XRCC5: variants seen among roughly 807,000 people sequenced by gnomAD.
The protein encoded by XRCC5 is X-ray repair cross complementing 5.
XRCC5 carries 12 observed loss-of-function variants against 95.7 expected under a neutral mutation model. The ratio of observed to expected loss-of-function variants is 0.13; its 90% CI spans 0.08 to 0.20. The LOEUF is 0.20. Among genes scored for constraint, XRCC5 ranks in the 10% least tolerant of loss-of-function variants. The probability of loss-of-function intolerance (pLI) is 1.00; values close to 1 mark genes in which losing one functional copy is unlikely to be tolerated. For synonymous variants in XRCC5, 281 were observed against 290.3 expected (o/e 0.97, Z 0.33); for missense variants, 595 against 873.9 (o/e 0.68, Z 4.02).
intron 16 of XRCC5, among the ~76,000 whole-genome samples, chr2:216,169,797 G>GCA (rs1689121541): frequency 6.6e-6 from 1 of 151,404 alleles, no homozygotes; most frequent in Admixed American, 6.6e-5. Flanking sequence ...TATAATCCCA[G>GCA]CACTTTGGGA....
intron 1 of XRCC5, 94 bp from the exon 2 acceptor site, chr2:216,112,922 G>T: frequency 1.1e-6 from 1 of 929,192 alleles, no homozygotes; most frequent in Non-Finnish European, 1.7e-6. Flanking sequence ...CCTAAATACT[G>T]ATACAGGTTC....
In XRCC5 at chr2:216,135,345, T is replaced by C. The variant is rs530575182; in HGVS notation, c.1114-1743T>C. Among the ~76,000 whole-genome samples, 4 of 150,302 alleles carry C rather than the reference T, an allele frequency of 2.7e-5. No individual in the cohort carries two copies. The South Asian group carries it at 8.4e-4, about 31-fold the overall frequency. ...AAGGGGCATTCTAGCTAGGAGGTAA[T>C]GGTATGAGCAAAGGCCAAGTATGAG... On this transcript the variant is annotated intron_variant, in intron 10 of 20. Transcript: ENST00000392132.
intron 13 of XRCC5, among the ~76,000 whole-genome samples, chr2:216,141,540 C>CTTTTCTT (rs1697169556): frequency 1.7e-4 from 11 of 65,006 alleles, no homozygotes; most frequent in African/African-American, 8.1e-4. Context: ...TCTTTCTTTT[C>CTTTTCTT]TTTTTTTTTT....
At chr2:216,128,117 T>C (rs1696924929) in intron 8 of XRCC5, 1 of 152,906 alleles carries the variant, frequency 6.5e-6, no homozygotes, top group South Asian at 2.1e-4. Context: ...ATTTATTATA[T>C]TGCTTCATAT....
intron 5 of XRCC5, among the ~76,000 whole-genome samples, 158 bp from the exon 6 acceptor site, chr2:216,121,904 C>T (rs1274023947): frequency 6.6e-6 from 1 of 152,196 alleles, no homozygotes; most frequent in African/African-American, 2.4e-5. Context: ...GTTTCAGTCA[C>T]TTGAAACTGG....
chr2:216,120,548 A>G (rs1331010631), intron 5 of XRCC5, among the ~76,000 whole-genome samples: 1 of 152,200 alleles, frequency 6.6e-6, no homozygotes, highest in African/African-American at 2.4e-5. Context: ...CCAGCAGCTC[A>G]GAGAAGCCCT....
chr2:216,162,940 T>A (rs1293877125), intron 16 of XRCC5, among the ~76,000 whole-genome samples: 3 of 152,128 alleles, frequency 2.0e-5, no homozygotes, highest in Non-Finnish European at 2.9e-5. Context: ...TGCATTCAGG[T>A]TTCTGTTCAT....
chr2:216,136,932 A>G (rs1265669488), intron 10 of XRCC5, among the ~76,000 whole-genome samples, 156 bp from the exon 11 acceptor site: 1 of 152,234 alleles, frequency 6.6e-6, no homozygotes, highest in Non-Finnish European at 1.5e-5. Context: ...AGTAAATGTA[A>G]TCAAAAGCAA....
chr2:216,190,531 T>C (rs921221529), intron 17 of XRCC5, among the ~76,000 whole-genome samples, 197 bp downstream of exon 17: 7 of 152,158 alleles, frequency 4.6e-5, no homozygotes, highest in African/African-American at 1.4e-4. Flanking sequence ...GGGATAAAGA[T>C]GAGTAGGTAG....
rs372225750 is a variant in XRCC5, at chr2:216,122,261, T to C, written c.683+8T>C. ...TGAAATTTATTCATTCAGGTAAGAA[T>C]TGAAAACATTGATGGGAATTTTTAA... On this transcript the variant is annotated splice_region_variant and intron_variant, in intron 6 of 20. Transcript: ENST00000392132. The C allele has an allele frequency of 2.1e-5, 34 of 1,592,492 alleles. No homozygotes were observed. The African/African-American group carries it at 3.1e-4, about 14-fold the overall frequency.
At chr2:216,196,997 A>G (rs9288518) in intron 19 of XRCC5, among the ~76,000 whole-genome samples, 54,942 of 152,052 alleles carry the variant, frequency 0.36, 10,946 homozygotes, top group East Asian at 0.72. Context: ...AGTACATACT[A>G]GAGTTTTTGG....
chr2:216,153,146 A>G (rs979631935), intron 14 of XRCC5, among the ~76,000 whole-genome samples: 9 of 152,096 alleles, frequency 5.9e-5, no homozygotes, highest in Non-Finnish European at 1.3e-4. Context: ...TGCCCCCACC[A>G]CATCCTTGAA....
At chr2:216,140,136 C>CCAT (rs1697149721) in intron 12 of XRCC5, among the ~76,000 whole-genome samples, 1 of 152,120 alleles carries the variant, frequency 6.6e-6, no homozygotes, top group Non-Finnish European at 1.5e-5. Context: ...GTTGGCTGTG[C>CCAT]CATTGCCTGA....
intron 16 of XRCC5, among the ~76,000 whole-genome samples, chr2:216,185,128 T>G (rs1011372113): frequency 1.3e-5 from 2 of 152,164 alleles, no homozygotes; most frequent in African/African-American, 4.8e-5. Context: ...TACCCTTTTC[T>G]TTTTCCTGAG....
chr2:216,112,936 A>G, intron 1 of XRCC5, 80 bp from the exon 2 acceptor site: 1 of 1,075,692 alleles, frequency 9.3e-7, no homozygotes, highest in Non-Finnish European at 1.4e-6. Context: ...CAGGTTCATG[A>G]ATACAATAAG....
intron 2 of XRCC5, among the ~76,000 whole-genome samples, chr2:216,114,263 A>G (rs1696643601): frequency 6.6e-6 from 1 of 151,850 alleles, no homozygotes; most frequent in Non-Finnish European, 1.5e-5. Context: ...TGCTTCTTTC[A>G]TTGTCTACTG....
chr2:216,123,533 C>T (rs942320547), intron 6 of XRCC5, among the ~76,000 whole-genome samples: 4 of 152,108 alleles, frequency 2.6e-5, no homozygotes, highest in East Asian at 1.9e-4. Flanking sequence ...AGGCTGGACA[C>T]GGTGGCTTAT....
rs770414623 is a variant in XRCC5, at chr2:216,118,534, CAT to C, written c.369-504_369-503del. On this transcript the variant is annotated intron_variant, in intron 4 of 20. Coordinates refer to ENST00000392132, the MANE Select transcript of XRCC5 (RefSeq NM_021141.4). ...TGCCTTGGAAGTGTATCTCTGGAGA[CAT>C]ATATGTGCATGTACACATACCTCTT... Among the ~76,000 whole-genome samples, 47 of 152,114 alleles carry C rather than the reference CAT, an allele frequency of 3.1e-4. 1 individual carries two copies. Among genetic ancestry groups the C allele is most frequent in the Non-Finnish European group, 5.7e-4 (39 of 68,014 alleles).
intron 14 of XRCC5, among the ~76,000 whole-genome samples, chr2:216,157,667 A>G (rs1688872924): frequency 6.6e-6 from 1 of 152,224 alleles, no homozygotes; most frequent in African/African-American, 2.4e-5. Context: ...GAGAGTTTAG[A>G]GTCTAGCTTA....
Sources: allele counts gnomAD v4.1 joint callset (sites outside exome capture counted in the v4.1 genomes callset), GRCh38; gene constraint gnomAD v4.1.1; transcripts MANE v1.5; gene names NCBI Gene and HGNC (gene_info 2026-07-23, HGNC 2026-07-21).